GGA2: variants seen among roughly 807,000 people sequenced by gnomAD.
The protein encoded by GGA2 is ADP-ribosylation factor-binding protein GGA2.
A neutral mutation model predicts 79.5 loss-of-function variants in GGA2; 48 were observed. The ratio of observed to expected loss-of-function variants is 0.60; its 90% CI spans 0.48 to 0.77. The LOEUF is 0.77. Ranked by LOEUF, GGA2 falls within the 30% of genes least tolerant of loss-of-function variation. The probability of loss-of-function intolerance (pLI) is 0.00; values close to 1 mark genes in which losing one functional copy is unlikely to be tolerated. For missense variants in GGA2, 770 were observed against 774.0 expected (o/e 0.99, Z 0.06); for synonymous variants, 317 against 302.0 (o/e 1.05, Z -0.51).
At position 23,494,325 on chromosome 16, in the gene GGA2, T is replaced by C; in HGVS notation, c.230A>G (p.Lys77Arg). Residue 77 changes from lysine to arginine, a missense_variant, in exon 3 of 17, where the codon AAG (lysine) becomes AGG (arginine). Coordinates refer to ENST00000309859, the MANE Select transcript of GGA2 (RefSeq NM_015044.4). ...CACCGTTAAGGCATAAAGAGCTTCC[T>C]TCTCTTGCGGAGACTGGATCTTGTG... ...LAHKIQSPQEKEALYALTVLE... is the reference protein window; with the variant it reads ...LAHKIQSPQEREALYALTVLE... The C allele has an allele frequency of 6.2e-7, 1 of 1,612,246 alleles. No homozygotes were observed. Among genetic ancestry groups the C allele is most frequent in the Non-Finnish European group, 8.5e-7 (1 of 1,178,242 alleles).
At chr16:23,509,224 G>A (rs1333005848) in intron 1 of GGA2, among the ~76,000 whole-genome samples, 1 of 152,224 alleles carries the variant, frequency 6.6e-6, no homozygotes, top group African/African-American at 2.4e-5. Context: ...GGCTCTTGAA[G>A]ATCTCGCCCC....
upstream of GGA2, chr16:23,522,864 T>C (rs1226470603): frequency 6.6e-6 from 1 of 152,200 alleles, no homozygotes; most frequent in Non-Finnish European, 1.5e-5. Flanking sequence ...TGTGAATGCT[T>C]GGCTGGAATT....
chr16:23,480,639 AC>A lies in GGA2; in HGVS notation c.1006+5del. ...AGAGAAGGCAAGGAGAAGCTTTCAA[AC>A]ATACCTCTGGAGACAGGGATGTCTC... On this transcript the variant is annotated splice_donor_5th_base_variant and intron_variant, in intron 10 of 16. Transcript: ENST00000309859. 1 of 1,606,944 alleles carries A rather than the reference AC, an allele frequency of 6.2e-7. No homozygotes were observed. The highest frequency in any genetic ancestry group is 1.3e-5 in the African/African-American group (1 of 74,952).
upstream of GGA2, among the ~76,000 whole-genome samples, chr16:23,514,686 A>C (rs1965093234): frequency 6.6e-6 from 1 of 152,122 alleles, no homozygotes; most frequent in Admixed American, 6.5e-5. Context: ...TCCTGGGCTC[A>C]AGCAATCCTC....
At chr16:23,487,474 A>G (rs1383417619) in intron 6 of GGA2, among the ~76,000 whole-genome samples, 1 of 152,098 alleles carries the variant, frequency 6.6e-6, no homozygotes, top group Non-Finnish European at 1.5e-5. Flanking sequence ...CTCTGGCCCA[A>G]AAGGGGACTA....
intron 14 of GGA2, among the ~76,000 whole-genome samples, chr16:23,473,714 T>C (rs1964543511): frequency 1.3e-5 from 2 of 152,194 alleles, no homozygotes; most frequent in Non-Finnish European, 2.9e-5. Flanking sequence ...TTGTAATAAT[T>C]TCAGACTTAT....
upstream of GGA2, chr16:23,523,404 C>T (rs1332207111): frequency 6.6e-6 from 1 of 152,180 alleles, no homozygotes; most frequent in Non-Finnish European, 1.5e-5. Context: ...AGTCCAAGGA[C>T]CAGGTCTGGA....
At chr16:23,470,991 G>A (rs1481580850) in intron 14 of GGA2, among the ~76,000 whole-genome samples, 1 of 151,824 alleles carries the variant, frequency 6.6e-6, no homozygotes, top group African/African-American at 2.4e-5. Flanking sequence ...CACCACGCCT[G>A]GCTAATTTTT....
chr16:23,508,492 C>G (rs929491971), intron 1 of GGA2, among the ~76,000 whole-genome samples: 1 of 152,122 alleles, frequency 6.6e-6, no homozygotes, highest in African/African-American at 2.4e-5. Context: ...TCAAAGTTCT[C>G]TCTTCTCCTT....
upstream of GGA2, among the ~76,000 whole-genome samples, chr16:23,512,841 A>C (rs970044524): frequency 5.3e-5 from 8 of 149,974 alleles, no homozygotes; most frequent in Non-Finnish European, 1.2e-4. Flanking sequence ...AGCAGCTGGG[A>C]ATACAGGCGC....
intron 1 of GGA2, among the ~76,000 whole-genome samples, chr16:23,504,930 C>T (rs1487300019): frequency 2.6e-5 from 4 of 152,184 alleles, no homozygotes; most frequent in African/African-American, 9.7e-5. Flanking sequence ...AGTGAAATGG[C>T]TCATCCAAGA....
rs1419199467 is a variant in GGA2 at position 23,517,431 on chromosome 16, G to A, written c.61+2156C>T. 5.0e-5 allele frequency among the ~76,000 whole-genome samples: 2 copies of A among 40,192 alleles called. 1 individual carries two copies. The allele number at this position is 40,192 out of a possible 152,430, so 26.4% of individuals were successfully genotyped here. On this transcript the variant is annotated intron_variant, in intron 2 of 5. Coordinates refer to the GGA2 transcript ENST00000569300. ...TTTTTAGTAGAGACGGGGTTTCACC[G>A]TTTTAGCCGGGATGGTCTCGATCTC... is the stretch of plus-strand genomic sequence containing the variant.
In GGA2 at chr16:23,468,872, A is replaced by G. The variant is rs1047589394; in HGVS notation, c.1731+14T>C. The stretch of plus-strand genomic sequence containing the variant: ...GGCCCCCATCTCCCTGCTACCACAG[A>G]CACTGGAACATACTTTGTGTGGATT... On this transcript the variant is annotated intron_variant, in intron 16 of 16. Transcript: ENST00000309859. The G allele has an allele frequency of 6.6e-6, 10 of 1,521,288 alleles. No homozygotes were observed. The highest frequency in any genetic ancestry group is 1.7e-4 in the Middle Eastern group (1 of 5,900). The allele number at this position is 1,521,288 out of a possible 1,614,324, so 94.2% of individuals were successfully genotyped here.
At chr16:23,470,316 C>T (rs1964494283) in intron 14 of GGA2, 151 bp from the exon 15 acceptor site, 2 of 561,792 alleles carry the variant, frequency 3.6e-6, no homozygotes, top group Non-Finnish European at 6.0e-6. Context: ...TACCATAATC[C>T]AAGTCCTCAT....
intron 1 of GGA2, among the ~76,000 whole-genome samples, chr16:23,505,722 T>C (rs1357537214): frequency 7.1e-6 from 1 of 140,408 alleles, no homozygotes; most frequent in Non-Finnish European, 1.6e-5. Context: ...TCATATTTCA[T>C]GACCCCAGGT....
intron 1 of GGA2, among the ~76,000 whole-genome samples, chr16:23,510,013 T>C (rs1211167580): frequency 2.9e-5 from 4 of 139,128 alleles, no homozygotes; most frequent in African/African-American, 5.3e-5. Flanking sequence ...GCACAGTGCC[T>C]GGCGCAGGGG....
At chr16:23,478,965 A>G (rs982102417) in intron 11 of GGA2, 54 bp from the exon 12 acceptor site, 1 of 1,157,164 alleles carries the variant, frequency 8.6e-7, no homozygotes, top group Non-Finnish European at 1.3e-6. Flanking sequence ...CTGCTTCCAG[A>G]TGAAGAGTAA....
chr16:23,488,484 T>C lies in GGA2; in HGVS notation c.579+122A>G, dbSNP rs1245481023. The C allele has an allele frequency of 4.2e-6, 3 of 720,750 alleles. No homozygotes were observed. The African/African-American group carries it at 5.3e-5, about 13-fold the overall frequency. The allele number at this position is 720,750 out of a possible 1,614,324, so 44.6% of individuals were successfully genotyped here. A position where few individuals can be genotyped will look rare whatever the true frequency, so the allele number is the denominator to read the frequency against. ...TTCTGCTACCTCACTCCTAAGGGCCTGTCTGGAGAGGAGAACCCATGTAAC... is the reference window on the plus strand; with the variant it reads ...TTCTGCTACCTCACTCCTAAGGGCCCGTCTGGAGAGGAGAACCCATGTAAC... On this transcript the variant is annotated intron_variant, in intron 6 of 16. Coordinates refer to ENST00000309859, the MANE Select transcript of GGA2 (RefSeq NM_015044.4).
chr16:23,475,431 C>T (rs1398278752), intron 13 of GGA2, among the ~76,000 whole-genome samples: 1 of 151,646 alleles, frequency 6.6e-6, no homozygotes. Flanking sequence ...CTCAGGTGAT[C>T]CGTCCGCCTC....
Sources: gnomAD v4.1 joint callset for allele counts (sites outside exome capture counted in the v4.1 genomes callset) on GRCh38, gnomAD v4.1.1 for gene constraint, MANE v1.5 for transcripts, NCBI Gene and HGNC (gene_info 2026-07-23, HGNC 2026-07-21) for gene names.